The following RASAL2 variants were observed in gnomAD, a reference collection of about 807,000 sequenced individuals.
RASAL2 encodes RAS protein activator like 2, also known as ras GTPase-activating protein nGAP.
Under a neutral mutation model 128.9 loss-of-function variants are expected in RASAL2, and 58 were observed. That is an observed-to-expected ratio of 0.45 (90% CI 0.36 to 0.56). The LOEUF is 0.56. Ranked by LOEUF, RASAL2 falls within the 20% of genes least tolerant of loss-of-function variation. The pLI is 0.00. For synonymous variants in RASAL2, 561 were observed against 580.8 expected (o/e 0.97, Z 0.49); for missense variants, 1,360 against 1,601.6 (o/e 0.85, Z 2.57).
At chr1:178,214,980 T>C (rs1049448521) in intron 1 of RASAL2, among the ~76,000 whole-genome samples, 5 of 152,204 alleles carry the variant, frequency 3.3e-5, no homozygotes, top group African/African-American at 1.2e-4. Flanking sequence ...GTGTCTAACC[T>C]TTTCTGTAAG....
Position 178,424,314 on chromosome 1 carries a change from C to G in RASAL2, c.674+3694C>G, listed in dbSNP as rs907105370. Among the ~76,000 whole-genome samples the G allele has an allele frequency of 4.6e-5, 7 of 150,578 alleles. No individual in the cohort carries two copies. The East Asian group carries it at 1.4e-3, about 29-fold the overall frequency. On this transcript the variant is annotated intron_variant, in intron 5 of 17. Transcript: ENST00000367649. ...CTGGAGTGTAGTGGCACAATCTCGGCTCATTGCAACCTCCACCTCCTGGGT... is the reference window on the plus strand; with the variant it reads ...CTGGAGTGTAGTGGCACAATCTCGGGTCATTGCAACCTCCACCTCCTGGGT...
chr1:178,237,981 T>G (rs773511045), intron 1 of RASAL2, among the ~76,000 whole-genome samples: 34 of 152,244 alleles, frequency 2.2e-4, no homozygotes, highest in Non-Finnish European at 4.0e-4. Context: ...AATATTCTTT[T>G]GTACAGTTTA....
intron 3 of RASAL2, among the ~76,000 whole-genome samples, chr1:178,379,787 G>A (rs929957992): frequency 6.6e-6 from 1 of 152,044 alleles, no homozygotes; most frequent in Non-Finnish European, 1.5e-5. Context: ...TTTTCCTTTT[G>A]GGGATGTATA....
chr1:178,296,816 G>T (rs1004719543), intron 2 of RASAL2, among the ~76,000 whole-genome samples: 1 of 151,842 alleles, frequency 6.6e-6, no homozygotes, highest in Non-Finnish European at 1.5e-5. Context: ...GGAATTACAG[G>T]CATGCCCCAC....
chr1:178,371,355 T>TACAC (rs766584516), intron 3 of RASAL2, among the ~76,000 whole-genome samples: 2,805 of 127,746 alleles, frequency 0.022, 80 homozygotes, highest in African/African-American at 0.071. Context: ...CACACACAAA[T>TACAC]ACACACACAC....
chr1:178,209,601 T>G (rs539516219), intron 1 of RASAL2, among the ~76,000 whole-genome samples: 127 of 152,282 alleles, frequency 8.3e-4, no homozygotes, highest in African/African-American at 2.9e-3. Flanking sequence ...TCTGGTTGGG[T>G]CTTTTTTAAT....
chr1:178,223,236 C>A (rs16852576), intron 1 of RASAL2, among the ~76,000 whole-genome samples: 2 of 152,030 alleles, frequency 1.3e-5, no homozygotes, highest in Non-Finnish European at 2.9e-5. Flanking sequence ...GTAAAACAGG[C>A]ATTGATTGAT....
Position 178,409,387 on chromosome 1 carries a change from G to A in RASAL2, c.565-11124G>A, listed in dbSNP as rs187515999. Among the ~76,000 whole-genome samples, 716 of 152,260 alleles carry A rather than the reference G, an allele frequency of 4.7e-3. 8 individuals are homozygous for A. Among genetic ancestry groups the A allele is most frequent in the African/African-American group, 0.016 (684 of 41,552 alleles). ...CTAGCTCTCTATAAAGCACAGTGGA[G>A]GGGCACGTAATCTAGGGCAGGGTCA... On this transcript the variant is annotated intron_variant, in intron 4 of 17. Transcript: ENST00000367649.
chr1:178,342,378 A>G (rs997913573), intron 3 of RASAL2, among the ~76,000 whole-genome samples: 1 of 152,198 alleles, frequency 6.6e-6, no homozygotes, highest in Admixed American at 6.6e-5. Context: ...AACCAATTAT[A>G]TATAGGCTTA....
chr1:178,473,097 A>G lies in RASAL2; in HGVS notation c.3701A>G (p.Asp1234Gly). ...TAGGAAAAACGGATCGTGTCCCTGG[A>G]TTCAGCCAACACCAGACTGATGAGC... is the stretch of plus-strand genomic sequence containing the variant. ...DAQEKRIVSL[D>G]SANTRLMSAL... is the part of the protein sequence containing the mutation. Residue 1234 changes from aspartate (D) to glycine (G), a missense_variant, in exon 18 of 18, where the codon GAT becomes GGT. Physicochemically the swap from Asp to Gly is moderately conservative, Grantham distance 94. Around this residue, in one of 3 missense-constraint regions of RASAL2, gnomAD observed 741 missense variants for 868.6 expected, o/e 0.85. Coordinates refer to ENST00000367649, the MANE Select transcript of RASAL2 (RefSeq NM_170692.4). The G allele has an allele frequency of 6.2e-7, 1 of 1,614,158 alleles. No individual in the cohort carries two copies. The highest frequency in any genetic ancestry group is 1.3e-5 in the African/African-American group (1 of 75,032).
intron 1 of RASAL2, among the ~76,000 whole-genome samples, chr1:178,280,096 T>C (rs1666713623): frequency 6.6e-6 from 1 of 152,196 alleles, no homozygotes; most frequent in Admixed American, 6.5e-5. Context: ...ACACATTGTA[T>C]ACTAACTTTT....
intron 4 of RASAL2, among the ~76,000 whole-genome samples, chr1:178,400,399 G>A (rs191615905): frequency 5.3e-5 from 8 of 152,088 alleles, no homozygotes; most frequent in Admixed American, 2.6e-4. Context: ...CCAGTGTTTC[G>A]TTACCTCTTC....
chr1:178,115,008 G>C (rs1196501514), intron 1 of RASAL2, among the ~76,000 whole-genome samples: 1 of 152,146 alleles, frequency 6.6e-6, no homozygotes, highest in African/African-American at 2.4e-5. Flanking sequence ...TGACTTCGTA[G>C]TATACATTAT....
At chr1:178,131,714 AT>A (rs889745345) in intron 1 of RASAL2, among the ~76,000 whole-genome samples, 7 of 152,170 alleles carry the variant, frequency 4.6e-5, no homozygotes, top group Non-Finnish European at 8.8e-5. Flanking sequence ...TAGGTGAGTT[AT>A]CCCCAAGGAA....
At chr1:178,264,417 A>G (rs1460028376) in intron 1 of RASAL2, among the ~76,000 whole-genome samples, 1 of 152,210 alleles carries the variant, frequency 6.6e-6, no homozygotes, top group Non-Finnish European at 1.5e-5. Context: ...ATCTATTTCT[A>G]AAATTCTCTC....
rs1648772202 is a variant in RASAL2 at position 178,477,661 on chromosome 1, C to T, written c.*4422C>T. The T allele has an allele frequency of 6.6e-6, 1 of 152,188 alleles. No homozygotes were observed. Among genetic ancestry groups the T allele is most frequent in the East Asian group, 1.9e-4 (1 of 5,202 alleles). 9.4% of individuals were successfully genotyped at this position (152,188 alleles called of 1,614,324 possible). A position where few individuals can be genotyped will look rare whatever the true frequency, so the allele number is the denominator to read the frequency against. ...GCAGTCTCTGTAGACAACACATGCA[C>T]ACACCCACACAAAACATAATTCCTG... On this transcript the variant is annotated 3_prime_UTR_variant, in exon 18 of 18. Coordinates refer to ENST00000367649, the MANE Select transcript of RASAL2 (RefSeq NM_170692.4).
intron 1 of RASAL2, among the ~76,000 whole-genome samples, chr1:178,191,953 T>TA (rs1662508440): frequency 6.6e-6 from 1 of 152,174 alleles, no homozygotes; most frequent in African/African-American, 2.4e-5. Flanking sequence ...TCAAAAGACT[T>TA]ATGTGAATCT....
chr1:178,354,127 T>TA (rs796424682), intron 3 of RASAL2, among the ~76,000 whole-genome samples: 11 of 151,548 alleles, frequency 7.3e-5, no homozygotes, highest in African/African-American at 2.7e-4. Context: ...CCAGAAATCC[T>TA]AAAAAAAATA....
chr1:178,344,030 AG>A (rs1475413735), intron 3 of RASAL2, among the ~76,000 whole-genome samples: 1 of 152,136 alleles, frequency 6.6e-6, no homozygotes, highest in African/African-American at 2.4e-5. Context: ...GGCATAAAAA[AG>A]AAACTCTCAT....
Sources: gnomAD v4.1 joint callset for allele counts (sites outside exome capture counted in the v4.1 genomes callset) on GRCh38, gnomAD v4.1.1 for gene constraint, gnomAD v4.1.1 regional missense constraint, MANE v1.5 for transcripts, NCBI Gene and HGNC (gene_info 2026-07-23, HGNC 2026-07-21) for gene names.